MGAM: variants seen among roughly 807,000 people sequenced by gnomAD.
MGAM encodes the protein maltase-glucoamylase.
Under a neutral mutation model 358.8 loss-of-function variants are expected in MGAM, and 253 were observed. The observed-to-expected ratio is 0.71, with a 90% confidence interval of 0.64 to 0.78. The LOEUF is 0.78. Ranked by LOEUF, MGAM falls within the 30% of genes least tolerant of loss-of-function variation. The pLI is 0.00. For synonymous variants in MGAM, 1,105 were observed against 1,227.1 expected (o/e 0.90, Z 2.08); for missense variants, 3,080 against 3,432.6 (o/e 0.90, Z 2.57).
chr7:142,001,413 T>C (rs1477328225), intron 1 of MGAM, among the ~76,000 whole-genome samples: 3 of 152,174 alleles, frequency 2.0e-5, no homozygotes, highest in Non-Finnish European at 2.9e-5. Flanking sequence ...GAAACATTGA[T>C]TGGGTGGAGA....
At position 142,073,596 on chromosome 7, in the gene MGAM, A is replaced by G. The variant is rs973409834; in HGVS notation, c.5187-489A>G. ...TTTTCTTTCAAAACAAACTAATAAT[A>G]AATAATCAGATACATTACCATTTAG... On this transcript the variant is annotated intron_variant, in intron 44 of 70. Coordinates refer to ENST00000475668, the MANE Select transcript of MGAM (RefSeq NM_001365693.1). Among the ~76,000 whole-genome samples, 16 of 146,652 alleles carry G rather than the reference A, an allele frequency of 1.1e-4. 3 individuals are homozygous for G. In the Admixed American group the frequency reaches 1.1e-3, roughly 10 times the overall value.
chr7:142,087,293 T>C lies in MGAM; in HGVS notation c.6810+576T>C, dbSNP rs576021364. On this transcript the variant is annotated intron_variant, in intron 57 of 70. Coordinates refer to ENST00000475668, the MANE Select transcript of MGAM (RefSeq NM_001365693.1). ...AGCCTTACTGTAAAACTTGCTCTCTTCTGGGGATGGTTTGTTGCTTGTAAT... is the reference window on the plus strand; with the variant it reads ...AGCCTTACTGTAAAACTTGCTCTCTCCTGGGGATGGTTTGTTGCTTGTAAT... 2.3e-3 allele frequency among the ~76,000 whole-genome samples: 333 copies of C among 145,904 alleles called. 42 individuals carry two copies. Among genetic ancestry groups the C allele is most frequent in the Non-Finnish European group, 2.4e-3 (157 of 64,420 alleles).
chr7:142,073,321 T>C (rs1813492528), intron 44 of MGAM, among the ~76,000 whole-genome samples: 1 of 146,166 alleles, frequency 6.8e-6, no homozygotes, highest in African/African-American at 2.4e-5. Flanking sequence ...AAACTAACTC[T>C]CTTGCATAGT....
intron 14 of MGAM, among the ~76,000 whole-genome samples, chr7:142,033,889 CA>C (rs1251321056): frequency 3.3e-5 from 5 of 152,254 alleles, no homozygotes; most frequent in Admixed American, 2.0e-4. Flanking sequence ...AATATATGAT[CA>C]GGGGAGAGAA....
chr7:142,074,642 T>G (rs1463675397), intron 45 of MGAM, among the ~76,000 whole-genome samples: 2 of 146,290 alleles, frequency 1.4e-5, no homozygotes, highest in African/African-American at 4.9e-5. Flanking sequence ...TCTTCAAGTT[T>G]AGGAAATAGA....
chr7:142,048,023 C>T, intron 22 of MGAM, 150 bp downstream of exon 22: 1 of 663,618 alleles, frequency 1.5e-6, no homozygotes, highest in South Asian at 1.9e-5. Context: ...TTGCACCATT[C>T]AGAGGTAGTG....
Position 142,082,392 on chromosome 7 carries a change from C to G in MGAM, c.6172-83C>G, listed in dbSNP as rs1434584407. 13 of 1,303,920 alleles carry G rather than the reference C, an allele frequency of 1.0e-5. No individual in the cohort carries two copies. The East Asian group carries it at 2.0e-4, about 20-fold the overall frequency. The allele number at this position is 1,303,920 out of a possible 1,614,324, so 80.8% of individuals were successfully genotyped here. On this transcript the variant is annotated intron_variant, in intron 51 of 70. Transcript: ENST00000475668. ...ATTTCATGGAGAAAACTAGACCCAT[C>G]TTAGCAAGCATATTTTTGTTGAGTT...
chr7:142,042,829 ATC>A (rs1300295996), intron 21 of MGAM, among the ~76,000 whole-genome samples: 10,335 of 45,670 alleles, frequency 0.23, 1,555 homozygotes, highest in Non-Finnish European at 0.32. Flanking sequence ...TAAATATAAT[ATC>A]TATATTATAT....
chr7:142,004,576 G>A (rs1388223546), intron 1 of MGAM: 1 of 151,806 alleles, frequency 6.6e-6, no homozygotes, highest in African/African-American at 2.4e-5. Context: ...CTACCTATTG[G>A]GTACAATGTA....
At chr7:142,103,057 C>T (rs563239033) in intron 69 of MGAM, among the ~76,000 whole-genome samples, 19 of 152,180 alleles carry the variant, frequency 1.2e-4, no homozygotes, top group African/African-American at 2.6e-4. Flanking sequence ...CAGGGCAGTG[C>T]GAAAGACCCT....
At chr7:142,062,289 A>G (rs1812287198) in intron 34 of MGAM, among the ~76,000 whole-genome samples, 1 of 152,218 alleles carries the variant, frequency 6.6e-6, no homozygotes, top group Admixed American at 6.5e-5. Context: ...CATCGAGTGC[A>G]TGAGGTCACT....
intron 2 of MGAM, among the ~76,000 whole-genome samples, chr7:142,006,880 T>A (rs1805206363): frequency 6.6e-6 from 1 of 152,166 alleles, no homozygotes; most frequent in Admixed American, 6.6e-5. Context: ...AATTAATTTT[T>A]ATCTTCACAA....
At position 142,033,140 on chromosome 7, in the gene MGAM, A is replaced by G. The variant is rs114141852; in HGVS notation, c.1669+231A>G. Among the ~76,000 whole-genome samples, 236 of 152,268 alleles carry G rather than the reference A, an allele frequency of 1.5e-3. 1 individual carries two copies. Among genetic ancestry groups the G allele is most frequent in the African/African-American group, 5.5e-3 (230 of 41,578 alleles). On this transcript the variant is annotated intron_variant, in intron 14 of 70. Coordinates refer to ENST00000475668, the MANE Select transcript of MGAM (RefSeq NM_001365693.1). ...AATCTAGTACTTCTACTTATACTCA[A>G]AGCTATTTCTAGGGAAGATCTAGAG... is the stretch of plus-strand genomic sequence containing the variant.
rs530386879 is a variant in MGAM, at chr7:142,036,416, A to G, written c.2076+131A>G. On this transcript the variant is annotated intron_variant, in intron 17 of 70. Coordinates refer to ENST00000475668, the MANE Select transcript of MGAM (RefSeq NM_001365693.1). ...TTCACTTACTCTAATTTGCACTATCATGTGCAATTAACCAGAATCTGTGCT... is the reference window on the plus strand; with the variant it reads ...TTCACTTACTCTAATTTGCACTATCGTGTGCAATTAACCAGAATCTGTGCT... 2.8e-4 allele frequency: 196 copies of G among 702,476 alleles called. No individual in the cohort carries two copies. In the African/African-American group the frequency reaches 3.2e-3, roughly 11 times the overall value. The allele number at this position is 702,476 out of a possible 1,614,324, so 43.5% of individuals were successfully genotyped here. A position where few individuals can be genotyped will look rare whatever the true frequency, so the allele number is the denominator to read the frequency against.
rs75298332 is a variant in MGAM at position 142,027,922 on chromosome 7, G to T, written c.1221+187G>T. ...CCAGTAATTTTTTCAAGGAACCATT[G>T]TTCTTTATAGTATGAAATAGATTGG... On this transcript the variant is annotated intron_variant, in intron 10 of 70. Transcript: ENST00000475668. Among the ~76,000 whole-genome samples the T allele has an allele frequency of 8.6e-4, 130 of 151,822 alleles. 2 individuals carry two copies. The East Asian group carries it at 0.022, about 26-fold the overall frequency.
intron 11 of MGAM, 39 bp downstream of exon 11, chr7:142,030,532 T>C (rs781914124): frequency 6.2e-7 from 1 of 1,612,342 alleles, no homozygotes; most frequent in Non-Finnish European, 8.5e-7. Flanking sequence ...AGGTATTTGC[T>C]CCTCCGTATC....
Position 142,064,527 on chromosome 7 carries a change from G to A in MGAM, c.4484+5G>A. On this transcript the variant is annotated splice_donor_5th_base_variant and intron_variant, in intron 37 of 70. Transcript: ENST00000475668. ...CCAGACCAGACCCACATACGAGTGAGTCTCCGTCTCCCTTCTCCAGCTGTC... is the reference window on the plus strand; with the variant it reads ...CCAGACCAGACCCACATACGAGTGAATCTCCGTCTCCCTTCTCCAGCTGTC... The A allele has an allele frequency of 6.4e-7, 1 of 1,568,154 alleles. No homozygotes were observed. Among genetic ancestry groups the A allele is most frequent in the Non-Finnish European group, 8.6e-7 (1 of 1,156,470 alleles).
intron 42 of MGAM, 57 bp from the exon 43 acceptor site, chr7:142,068,590 G>A (rs1813049728): frequency 1.5e-6 from 2 of 1,305,824 alleles, no homozygotes; most frequent in South Asian, 2.4e-5. Context: ...AAGCAGTTTG[G>A]TTACTCTGTC....
In MGAM at chr7:142,060,450, C is replaced by A. The variant is rs6973212; in HGVS notation, c.4122+77C>A. On this transcript the variant is annotated intron_variant, in intron 34 of 70. Transcript: ENST00000475668. ...AGCTGTTCCTGGGATTGTGGACATGCCTGTACCGTGGACATGGGCTTGGCA... is the reference window on the plus strand; with the variant it reads ...AGCTGTTCCTGGGATTGTGGACATGACTGTACCGTGGACATGGGCTTGGCA... 3,927 of 1,526,674 alleles carry A rather than the reference C, an allele frequency of 2.6e-3. 8 individuals are homozygous for A. In the African/African-American group the frequency reaches 0.046, roughly 18 times the overall value. 94.6% of individuals were successfully genotyped at this position (1,526,674 alleles called of 1,614,324 possible).
Sources: allele counts gnomAD v4.1 joint callset (sites outside exome capture counted in the v4.1 genomes callset), GRCh38; gene constraint gnomAD v4.1.1; transcripts MANE v1.5; gene names NCBI Gene and HGNC (gene_info 2026-07-23, HGNC 2026-07-21).